The following MAP2K6 variants were observed in gnomAD, a reference collection of about 807,000 sequenced individuals.
MAP2K6 encodes the protein mitogen-activated protein kinase kinase 6, also known as dual specificity mitogen-activated protein kinase kinase 6.
MAP2K6 carries 16 observed loss-of-function variants against 53.7 expected under a neutral mutation model. The observed-to-expected ratio is 0.30, with a 90% CI of 0.20 to 0.45. The LOEUF (loss-of-function observed/expected upper bound fraction) is 0.45. Ranked by LOEUF, MAP2K6 falls within the 20% of genes least tolerant of loss-of-function variation. The probability of loss-of-function intolerance (pLI) is 1.00; values close to 1 mark genes in which losing one functional copy is unlikely to be tolerated. For synonymous variants in MAP2K6, 132 were observed against 143.1 expected (o/e 0.92, Z 0.55); for missense variants, 204 against 411.9 (o/e 0.50, Z 4.37).
At chr17:69,415,575 C>A (rs1207991255) in intron 1 of MAP2K6, among the ~76,000 whole-genome samples, 1 of 152,080 alleles carries the variant, frequency 6.6e-6, no homozygotes, top group Non-Finnish European at 1.5e-5. Flanking sequence ...AACAGCATAT[C>A]ACAAAAAAGC....
In MAP2K6 at chr17:69,550,516, G is replaced by A. The variant is rs1676616060; in HGVS notation, c.*8763G>A. ...ATAATTTTAAAATATAATACTGAAA[G>A]CTAGTTTGAAGTTTCAGAAGCCATG... On this transcript the variant is annotated 3_prime_UTR_variant, in exon 12 of 12. Coordinates refer to ENST00000590474, the MANE Select transcript of MAP2K6 (RefSeq NM_002758.4). 6.6e-6 allele frequency: 1 copy of A among 152,298 alleles called. No homozygotes were observed. Among genetic ancestry groups the A allele is most frequent in the African/African-American group, 2.4e-5 (1 of 41,588 alleles). The allele number at this position is 152,298 out of a possible 1,614,324, so 9.4% of individuals were successfully genotyped here.
intron 1 of MAP2K6, among the ~76,000 whole-genome samples, chr17:69,442,477 T>G (rs1906851925): frequency 6.6e-6 from 1 of 152,258 alleles, no homozygotes; most frequent in Non-Finnish European, 1.5e-5. Context: ...TGTTTTGCTT[T>G]CTTTATCCCA....
chr17:69,486,459 C>T (rs776051871), intron 1 of MAP2K6, among the ~76,000 whole-genome samples: 1 of 152,178 alleles, frequency 6.6e-6, no homozygotes, highest in Non-Finnish European at 1.5e-5. Flanking sequence ...TTCAGAATCT[C>T]AGTGATCTTG....
chr17:69,526,771 C>G, intron 10 of MAP2K6, 62 bp downstream of exon 10: 1 of 1,569,542 alleles, frequency 6.4e-7, no homozygotes, highest in African/African-American at 1.4e-5. Flanking sequence ...TCATGAATTT[C>G]TTCCATCGGG....
Position 69,545,994 on chromosome 17 carries a change from TG to T in MAP2K6, c.*4244del, listed in dbSNP as rs1911861033. ...GACATCGTGTCAGTGCACTCCAGCC[TG>T]GGCAACAAGAGCAAAACTTCATCTC... is the stretch of plus-strand genomic sequence containing the variant. On this transcript the variant is annotated 3_prime_UTR_variant, in exon 12 of 12. Transcript: ENST00000590474. 1 of 143,554 alleles carries T rather than the reference TG, an allele frequency of 7.0e-6. No homozygotes were observed. The highest frequency in any genetic ancestry group is 1.5e-5 in the Non-Finnish European group (1 of 66,910). The allele number at this position is 143,554 out of a possible 1,614,324, so 8.9% of individuals were successfully genotyped here. A position where few individuals can be genotyped will look rare whatever the true frequency, so the allele number is the denominator to read the frequency against.
At chr17:69,485,131 A>AAATAT (rs1908483823) in intron 1 of MAP2K6, 1 of 152,224 alleles carries the variant, frequency 6.6e-6, no homozygotes, top group East Asian at 1.9e-4. Context: ...TTTTAATAAG[A>AAATAT]GTCAGAGTGC....
chr17:69,513,464 T>A (rs1408059838), intron 2 of MAP2K6, among the ~76,000 whole-genome samples: 2 of 152,206 alleles, frequency 1.3e-5, no homozygotes, highest in South Asian at 4.1e-4. Flanking sequence ...ACCCAGCTTT[T>A]CTGGGTTTCA....
chr17:69,533,663 C>T (rs573013912), intron 10 of MAP2K6, among the ~76,000 whole-genome samples: 1 of 150,890 alleles, frequency 6.6e-6, no homozygotes, highest in African/African-American at 2.4e-5. Context: ...ATTGTTCCAG[C>T]GATAGAGAAG....
Position 69,449,611 on chromosome 17 carries a change from T to C in MAP2K6, c.16+34611T>C, listed in dbSNP as rs200521394. Among the ~76,000 whole-genome samples the C allele has an allele frequency of 5.1e-4, 48 of 93,298 alleles. No homozygotes were observed. The East Asian group carries it at 8.5e-3, about 16-fold the overall frequency. The allele number at this position is 93,298 out of a possible 152,430, so 61.2% of individuals were successfully genotyped here. A position where few individuals can be genotyped will look rare whatever the true frequency, so the allele number is the denominator to read the frequency against. On this transcript the variant is annotated intron_variant, in intron 1 of 11. Coordinates refer to ENST00000590474, the MANE Select transcript of MAP2K6 (RefSeq NM_002758.4). ...TTTCTTTTTCTTTCTTTCTCTCTCT[T>C]TTTTTTTTTTTTTTTTTTTTTGAGA...
At chr17:69,461,265 T>A (rs1567826052) in intron 1 of MAP2K6, among the ~76,000 whole-genome samples, 2 of 152,160 alleles carry the variant, frequency 1.3e-5, no homozygotes, top group Non-Finnish European at 2.9e-5. Context: ...CCTCCCTGGT[T>A]TATGTACTCC....
At chr17:69,513,068 C>T (rs1280732449) in intron 2 of MAP2K6, among the ~76,000 whole-genome samples, 2 of 152,172 alleles carry the variant, frequency 1.3e-5, no homozygotes, top group South Asian at 4.1e-4. Context: ...AGAACATCCA[C>T]CCACAGTATA....
chr17:69,488,572 G>A (rs566031617), intron 1 of MAP2K6, among the ~76,000 whole-genome samples: 11 of 152,220 alleles, frequency 7.2e-5, no homozygotes, highest in East Asian at 5.8e-4. Context: ...CATATACACC[G>A]TGAAATACTA....
chr17:69,438,594 T>A (rs1174441133), intron 1 of MAP2K6, among the ~76,000 whole-genome samples: 1 of 152,124 alleles, frequency 6.6e-6, no homozygotes, highest in Non-Finnish European at 1.5e-5. Context: ...ACTTTTATTT[T>A]TTTTCTTTTT....
chr17:69,528,109 CAAA>C (rs71357724), intron 10 of MAP2K6, among the ~76,000 whole-genome samples: 1 of 75,714 alleles, frequency 1.3e-5, no homozygotes, highest in Non-Finnish European at 2.4e-5. Context: ...AACTTCGTCT[CAAA>C]AAAAAAAAAA....
At chr17:69,492,008 CT>C (rs1908773360) in intron 1 of MAP2K6, among the ~76,000 whole-genome samples, 1 of 151,874 alleles carries the variant, frequency 6.6e-6, no homozygotes, top group Non-Finnish European at 1.5e-5. Flanking sequence ...GGGCTGTTTG[CT>C]TTTTTCTTGT....
At chr17:69,497,806 A>G (rs1909004573) in intron 1 of MAP2K6, among the ~76,000 whole-genome samples, 1 of 152,200 alleles carries the variant, frequency 6.6e-6, no homozygotes, top group Admixed American at 6.5e-5. Context: ...TGATTGTCAA[A>G]ATCCCACCCA....
At chr17:69,454,161 T>C (rs988862411) in intron 1 of MAP2K6, among the ~76,000 whole-genome samples, 2 of 152,158 alleles carry the variant, frequency 1.3e-5, no homozygotes, top group African/African-American at 4.8e-5. Context: ...CAGGAAGCTA[T>C]TGGGATTTGA....
intron 1 of MAP2K6, among the ~76,000 whole-genome samples, chr17:69,497,558 T>C (rs541740362): frequency 6.6e-6 from 1 of 152,106 alleles, no homozygotes; most frequent in Admixed American, 6.5e-5. Flanking sequence ...TGTGGCATGA[T>C]GTTCCTCTAC....
At chr17:69,430,730 T>C (rs1906435567) in intron 1 of MAP2K6, among the ~76,000 whole-genome samples, 1 of 152,224 alleles carries the variant, frequency 6.6e-6, no homozygotes. Flanking sequence ...TCAGCTGGAC[T>C]GTCAAGCCAC....
Sources: allele counts gnomAD v4.1 joint callset (sites outside exome capture counted in the v4.1 genomes callset), GRCh38; gene constraint gnomAD v4.1.1; transcripts MANE v1.5; gene names NCBI Gene and HGNC (gene_info 2026-07-23, HGNC 2026-07-21).